EXOC2: variants seen among roughly 807,000 people sequenced by gnomAD.
The protein encoded by EXOC2 is exocyst complex component 2, also known as SEC5-like 1.
EXOC2 carries 70 observed loss-of-function variants against 131.8 expected under a neutral mutation model. The observed-to-expected ratio is 0.53, with a 90% CI of 0.44 to 0.65. The LOEUF (loss-of-function observed/expected upper bound fraction) is 0.65. Ranked by LOEUF, EXOC2 falls within the 30% of genes least tolerant of loss-of-function variation. EXOC2 has a pLI of 0.00. For synonymous variants in EXOC2, 411 were observed against 398.4 expected (o/e 1.03, Z -0.38); for missense variants, 923 against 1,108.6 (o/e 0.83, Z 2.38).
chr6:581,220 T>G (rs924915306), intron 11 of EXOC2, among the ~76,000 whole-genome samples: 1 of 150,670 alleles, frequency 6.6e-6, no homozygotes, highest in Admixed American at 6.7e-5. Flanking sequence ...TGCTTGTACC[T>G]GGGAGACAGA....
rs949836463 is a variant in EXOC2, at chr6:506,957, C to T, written c.2381-7257G>A. 8.6e-5 allele frequency among the ~76,000 whole-genome samples: 13 copies of T among 151,956 alleles called. No individual in the cohort carries two copies. Among genetic ancestry groups the T allele is most frequent in the Admixed American group, 1.3e-4 (2 of 15,234 alleles). On this transcript the variant is annotated intron_variant, in intron 23 of 27. Transcript: ENST00000230449. The surrounding 1 kb of genome is among the most constrained non-coding windows in gnomAD (Gnocchi z 4.4). Reference sequence around the variant, plus strand: ...ACTATTAAAAATACTTCCTGAGTGTCCATTATTATTACATGCAGGACACTT... The same window carrying T: ...ACTATTAAAAATACTTCCTGAGTGTTCATTATTATTACATGCAGGACACTT...
intron 21 of EXOC2, 92 bp downstream of exon 21, chr6:553,762 T>C (rs1757272095): frequency 2.0e-6 from 2 of 1,019,350 alleles, no homozygotes; most frequent in East Asian, 2.4e-5. Flanking sequence ...CCACGTGCTA[T>C]AGCAAGGATG....
chr6:673,995 A>G (rs1416301490), intron 1 of EXOC2, among the ~76,000 whole-genome samples: 1 of 152,202 alleles, frequency 6.6e-6, no homozygotes, highest in Non-Finnish European at 1.5e-5. Flanking sequence ...GCGAGTTATG[A>G]CTGAAAACTC....
At chr6:518,256 G>A (rs1765267577) in intron 23 of EXOC2, among the ~76,000 whole-genome samples, 1 of 148,328 alleles carries the variant, frequency 6.7e-6, no homozygotes, top group Admixed American at 6.7e-5. Flanking sequence ...GATCTCAGAG[G>A]CAGTGGGGAG....
intron 26 of EXOC2, 132 bp downstream of exon 26, chr6:490,993 G>A (rs565548745): frequency 1.1e-6 from 1 of 919,642 alleles, no homozygotes; most frequent in African/African-American, 1.7e-5. Context: ...AAGTGGCCTT[G>A]ACATAAACTT....
intron 11 of EXOC2, among the ~76,000 whole-genome samples, chr6:579,180 C>A (rs1344462337): frequency 1.3e-5 from 2 of 152,086 alleles, no homozygotes. Flanking sequence ...TGCAAAAATA[C>A]AATTATTTCA....
intron 1 of EXOC2, among the ~76,000 whole-genome samples, chr6:690,474 G>T (rs1259656409): frequency 2.0e-5 from 3 of 152,180 alleles, no homozygotes; most frequent in African/African-American, 7.2e-5. Flanking sequence ...ACTCTGGGAG[G>T]CCGAGGTGGG....
At chr6:690,339 G>T (rs1764860597) in intron 1 of EXOC2, among the ~76,000 whole-genome samples, 1 of 152,190 alleles carries the variant, frequency 6.6e-6, no homozygotes, top group African/African-American at 2.4e-5. Flanking sequence ...CTGGGTGACA[G>T]AACAAGACCC....
At position 677,916 on chromosome 6, in the gene EXOC2, G is replaced by A. The variant is rs909951363; in HGVS notation, c.-44+15103C>T. 2.7e-5 allele frequency among the ~76,000 whole-genome samples: 4 copies of A among 147,404 alleles called. No individual in the cohort carries two copies. The Admixed American group carries it at 2.8e-4, about 10-fold the overall frequency. ...TCACACCTAGGCAGTTTGCATCAGG[G>A]GCTGTGCTTATAATCTCTCACACAC... On this transcript the variant is annotated intron_variant, in intron 1 of 27. Transcript: ENST00000230449.
intron 23 of EXOC2, among the ~76,000 whole-genome samples, chr6:529,391 G>GAGA (rs1473379531): frequency 1.2e-4 from 14 of 120,100 alleles, no homozygotes; most frequent in Non-Finnish European, 2.5e-4. Flanking sequence ...CAGCAGGTCT[G>GAGA]AGAGAGGGCT....
At position 692,077 on chromosome 6, in the gene EXOC2, G is replaced by C. The variant is rs141150026; in HGVS notation, c.-44+942C>G. ...AAACATTATTATGCATTAGAAGACA[G>C]ATCCACATAAGCTCAGAAGTAACTT... On this transcript the variant is annotated intron_variant, in intron 1 of 27. Coordinates refer to ENST00000230449, the MANE Select transcript of EXOC2 (RefSeq NM_018303.6). Among the ~76,000 whole-genome samples, 4 of 152,328 alleles carry C rather than the reference G, an allele frequency of 2.6e-5. No homozygotes were observed. In the East Asian group the frequency reaches 7.7e-4, roughly 29 times the overall value.
chr6:650,095 A>AT (rs1762765276), intron 1 of EXOC2, among the ~76,000 whole-genome samples: 1 of 152,202 alleles, frequency 6.6e-6, no homozygotes, highest in Non-Finnish European at 1.5e-5. Context: ...AAGGTTTGAG[A>AT]TTTTTTAAAT....
intron 23 of EXOC2, among the ~76,000 whole-genome samples, chr6:503,137 A>G (rs943952545): frequency 2.6e-5 from 4 of 151,984 alleles, no homozygotes; most frequent in Non-Finnish European, 4.4e-5. Flanking sequence ...CAAAAAGCTA[A>G]TCGCTGAATT....
At position 485,425 on chromosome 6, in the gene EXOC2, C is replaced by T. The variant is rs1186476841; in HGVS notation, c.*1246G>A. 6.6e-6 allele frequency: 1 copy of T among 152,130 alleles called. No homozygotes were observed. The highest frequency in any genetic ancestry group is 1.5e-5 in the Non-Finnish European group (1 of 68,040). The allele number at this position is 152,130 out of a possible 1,614,324, so 9.4% of individuals were successfully genotyped here. A position where few individuals can be genotyped will look rare whatever the true frequency, so the allele number is the denominator to read the frequency against. ...GGAAACTGTACATGGCTACACTGTGCTCTAAAATTACTTGCATTAATGAGG... is the reference window on the plus strand; with the variant it reads ...GGAAACTGTACATGGCTACACTGTGTTCTAAAATTACTTGCATTAATGAGG... On this transcript the variant is annotated 3_prime_UTR_variant, in exon 28 of 28. Transcript: ENST00000230449.
intron 1 of EXOC2, among the ~76,000 whole-genome samples, chr6:661,602 T>C (rs762562173): frequency 2.6e-5 from 4 of 152,146 alleles, no homozygotes; most frequent in Non-Finnish European, 4.4e-5. Context: ...GAATTCACCA[T>C]TACCAAGCCA....
At position 608,205 on chromosome 6, in the gene EXOC2, G is replaced by C. The variant is rs76253244; in HGVS notation, c.742+1893C>G. ...CACCAGTTCTGCAGTACTGAAGTCT[G>C]ATAACTACGAACCCGCCTGGGCGGG... On this transcript the variant is annotated intron_variant, in intron 7 of 27. Coordinates refer to ENST00000230449, the MANE Select transcript of EXOC2 (RefSeq NM_018303.6). 5.5e-3 allele frequency among the ~76,000 whole-genome samples: 835 copies of C among 152,340 alleles called. 7 individuals carry two copies. The highest frequency in any genetic ancestry group is 0.019 in the African/African-American group (790 of 41,580).
At chr6:668,888 T>G (rs1581660685) in intron 1 of EXOC2, among the ~76,000 whole-genome samples, 2 of 152,374 alleles carry the variant, frequency 1.3e-5, no homozygotes, top group Middle Eastern at 3.4e-3. Context: ...GTTTTTTTAT[T>G]GCTGCATTGT....
At chr6:614,353 C>A (rs12530461) in intron 6 of EXOC2, among the ~76,000 whole-genome samples, 9,925 of 152,300 alleles carry the variant, frequency 0.065, 498 homozygotes, top group South Asian at 0.17. Flanking sequence ...GCTTCCTTGG[C>A]TGCAAGTACT....
At chr6:573,167 C>A (rs1758380927) in intron 12 of EXOC2, among the ~76,000 whole-genome samples, 1 of 152,220 alleles carries the variant, frequency 6.6e-6, no homozygotes, top group South Asian at 2.1e-4. Context: ...TACTAAATAA[C>A]CCCACCTAAA....
Sources: allele counts gnomAD v4.1 joint callset (sites outside exome capture counted in the v4.1 genomes callset), GRCh38; gene constraint gnomAD v4.1.1; non-coding constraint Gnocchi (gnomAD v3.1); transcripts MANE v1.5; gene names NCBI Gene and HGNC (gene_info 2026-07-23, HGNC 2026-07-21).